The following CDH7 variants were observed in gnomAD, a reference collection of about 807,000 sequenced individuals.
CDH7 encodes the protein cadherin 7.
A neutral mutation model predicts 71.8 loss-of-function variants in CDH7; 25 were observed. The observed-to-expected ratio is 0.35, with a 90% confidence interval of 0.25 to 0.49. CDH7 has a LOEUF of 0.49. Ranked by LOEUF, CDH7 falls within the 20% of genes least tolerant of loss-of-function variation. The pLI, the probability that CDH7 is intolerant of heterozygous loss-of-function variation, is 0.99. For synonymous variants in CDH7, 381 were observed against 363.8 expected, an observed-to-expected ratio of 1.05 and a Z score of -0.54; for missense variants, 862 against 974.6, an observed-to-expected ratio of 0.88 and a Z score of 1.54.
chr18:65,882,079 T>C lies in CDH7; in HGVS notation c.*1185T>C, dbSNP rs1295656258. ...CACAACCTTTCTTGCTGCAAACCTATTGAGTAAAATATTGAGTTTTTAAAA... is the reference window on the plus strand; with the variant it reads ...CACAACCTTTCTTGCTGCAAACCTACTGAGTAAAATATTGAGTTTTTAAAA... On this transcript the variant is annotated 3_prime_UTR_variant, in exon 12 of 12. Coordinates refer to ENST00000397968, the MANE Select transcript of CDH7 (RefSeq NM_004361.5). 3.3e-5 allele frequency: 5 copies of C among 152,142 alleles called. No individual in the cohort carries two copies. The highest frequency in any genetic ancestry group is 1.2e-4 in the African/African-American group (5 of 41,446). 9.4% of individuals were successfully genotyped at this position (152,142 alleles called of 1,614,324 possible). A position where few individuals can be genotyped will look rare whatever the true frequency, so the allele number is the denominator to read the frequency against.
chr18:65,851,875 G>A (rs567378628), intron 7 of CDH7, among the ~76,000 whole-genome samples: 1 of 152,254 alleles, frequency 6.6e-6, no homozygotes, highest in African/African-American at 2.4e-5. Context: ...CCCTGGTGGT[G>A]TAGCACAAGG....
At chr18:65,751,713 T>C (rs949497854) in intron 1 of CDH7, among the ~76,000 whole-genome samples, 5 of 152,196 alleles carry the variant, frequency 3.3e-5, no homozygotes, top group African/African-American at 1.2e-4. Context: ...AGTATTCTGC[T>C]GATCTGGTTC....
chr18:65,878,960 A>G (rs1032328553), intron 11 of CDH7, among the ~76,000 whole-genome samples: 1 of 152,220 alleles, frequency 6.6e-6, no homozygotes, highest in African/African-American at 2.4e-5. Flanking sequence ...TTGTTTTCAC[A>G]ACTATTTCCA....
chr18:65,773,872 A>G (rs1295533637), intron 2 of CDH7, among the ~76,000 whole-genome samples: 1 of 152,076 alleles, frequency 6.6e-6, no homozygotes, highest in Non-Finnish European at 1.5e-5. Flanking sequence ...ACTTATTTCT[A>G]GGAGGTGAAA....
chr18:65,750,853 C>A (rs1269002789), upstream of CDH7: 1 of 152,258 alleles, frequency 6.6e-6, no homozygotes, highest in Non-Finnish European at 1.5e-5. Flanking sequence ...TGCGTCTCAG[C>A]TGCCCGGGCG....
chr18:65,818,957 G>T (rs1302520304), intron 4 of CDH7, among the ~76,000 whole-genome samples: 1 of 152,118 alleles, frequency 6.6e-6, no homozygotes, highest in African/African-American at 2.4e-5. Flanking sequence ...TTATGAGGTA[G>T]GAGAGACCAG....
intron 2 of CDH7, among the ~76,000 whole-genome samples, chr18:65,787,222 A>T: frequency 6.6e-6 from 1 of 152,274 alleles, no homozygotes; most frequent in African/African-American, 2.4e-5. Context: ...CTGACAAAAC[A>T]TTTCATCGTT....
intron 3 of CDH7, among the ~76,000 whole-genome samples, chr18:65,813,071 G>T (rs769654456): frequency 6.6e-6 from 1 of 152,136 alleles, no homozygotes; most frequent in African/African-American, 2.4e-5. Flanking sequence ...GGTGGCTCAC[G>T]CCTGGAATCC....
chr18:65,781,988 TTCTC>T (rs1168638495), intron 2 of CDH7, among the ~76,000 whole-genome samples: 1 of 57,678 alleles, frequency 1.7e-5, no homozygotes, highest in African/African-American at 1.3e-4. Flanking sequence ...CTCTCTCTCT[TTCTC>T]TCTTTCTCTC....
intron 2 of CDH7, among the ~76,000 whole-genome samples, chr18:65,777,434 C>T (rs1005451350): frequency 1.3e-5 from 2 of 151,886 alleles, no homozygotes; most frequent in Admixed American, 6.6e-5. Context: ...ATATGATCTC[C>T]GCAGTGGGAC....
At chr18:65,825,404 G>A (rs547531156) in intron 6 of CDH7, among the ~76,000 whole-genome samples, 35 of 151,868 alleles carry the variant, frequency 2.3e-4, no homozygotes, top group African/African-American at 8.4e-4. Flanking sequence ...AGTCAGTACA[G>A]CCCAAACTAA....
chr18:65,794,592 GAAA>G (rs59757795), intron 2 of CDH7, among the ~76,000 whole-genome samples: 45 of 138,742 alleles, frequency 3.2e-4, no homozygotes, highest in African/African-American at 1.0e-3. Context: ...GGAGGGGTTA[GAAA>G]AAAAAAAAAA....
chr18:65,772,361 CTG>C, intron 2 of CDH7, among the ~76,000 whole-genome samples: 1 of 152,252 alleles, frequency 6.6e-6, no homozygotes, highest in South Asian at 2.1e-4. Context: ...CATAAAATAT[CTG>C]AGAAACTCAG....
chr18:65,880,390 T>G lies in CDH7; in HGVS notation c.1865-11T>G. 1 of 1,525,988 alleles carries G rather than the reference T, an allele frequency of 6.6e-7. No homozygotes were observed. The highest frequency in any genetic ancestry group is 8.8e-7 in the Non-Finnish European group (1 of 1,142,044). 94.5% of individuals were successfully genotyped at this position (1,525,988 alleles called of 1,614,324 possible). A position where few individuals can be genotyped will look rare whatever the true frequency, so the allele number is the denominator to read the frequency against. ...TTACTGAAACTTTCTCTTCCTGTCT[T>G]ATTGTTTCAGTGTTGATCCTCCTTA... On this transcript the variant is annotated splice_polypyrimidine_tract_variant and intron_variant, in intron 11 of 11. Coordinates refer to ENST00000397968, the MANE Select transcript of CDH7 (RefSeq NM_004361.5).
chr18:65,845,463 C>A (rs1366350900), intron 7 of CDH7, among the ~76,000 whole-genome samples: 1 of 151,972 alleles, frequency 6.6e-6, no homozygotes, highest in Non-Finnish European at 1.5e-5. Context: ...ATTGCCCTGC[C>A]TTCATGGTCA....
chr18:65,770,757 T>G (rs1916517663), intron 2 of CDH7, among the ~76,000 whole-genome samples: 1 of 152,164 alleles, frequency 6.6e-6, no homozygotes, highest in South Asian at 2.1e-4. Flanking sequence ...AAGTCTACAT[T>G]GAATAATTAT....
chr18:65,858,885 G>T, intron 8 of CDH7, 40 bp from the exon 9 acceptor site: 2 of 1,582,354 alleles, frequency 1.3e-6, no homozygotes, highest in South Asian at 1.1e-5. Flanking sequence ...TGCTTTAGAT[G>T]GGCAAAGAGT....
chr18:65,755,700 A>G (rs1372294088), intron 1 of CDH7, among the ~76,000 whole-genome samples: 2 of 152,196 alleles, frequency 1.3e-5, no homozygotes, highest in African/African-American at 2.4e-5. Flanking sequence ...AAGGGATTCT[A>G]CAATAAAAAT....
intron 6 of CDH7, among the ~76,000 whole-genome samples, chr18:65,836,798 A>C (rs2143972022): frequency 6.6e-6 from 1 of 152,272 alleles, no homozygotes; most frequent in East Asian, 1.9e-4. Context: ...TTTTTCAGGT[A>C]ATTTGTTTAG....
Sources: gnomAD v4.1 joint callset for allele counts (sites outside exome capture counted in the v4.1 genomes callset) on GRCh38, gnomAD v4.1.1 for gene constraint, MANE v1.5 for transcripts, NCBI Gene and HGNC (gene_info 2026-07-23, HGNC 2026-07-21) for gene names.